FOXRED2: variants seen among roughly 807,000 people sequenced by gnomAD.
The protein encoded by FOXRED2 is FAD dependent oxidoreductase domain containing 2.
In FOXRED2, 32 loss-of-function variants were observed where a neutral mutation model predicts 52.5. The ratio of observed to expected loss-of-function variants is 0.61; its 90% CI spans 0.46 to 0.82. The LOEUF (loss-of-function observed/expected upper bound fraction) is 0.82, where lower values mean the gene tolerates loss of function less well. Among genes scored for constraint, FOXRED2 ranks in the 40% least tolerant of loss-of-function variants. The probability of loss-of-function intolerance (pLI) is 0.00; values close to 1 mark genes in which losing one functional copy is unlikely to be tolerated. For synonymous variants in FOXRED2, 405 were observed against 398.1 expected, an observed-to-expected ratio of 1.02 and a Z score of -0.21; for missense variants, 848 against 937.5, an observed-to-expected ratio of 0.90 and a Z score of 1.25.
At chr22:36,493,170 C>T (rs976273541) in intron 8 of FOXRED2, among the ~76,000 whole-genome samples, 2 of 152,218 alleles carry the variant, frequency 1.3e-5, no homozygotes, top group Non-Finnish European at 2.9e-5. Flanking sequence ...CAGCTGGGTG[C>T]GGTGGCTCAC....
At chr22:36,501,206 T>C in intron 5 of FOXRED2, 35 bp downstream of exon 5, 1 of 1,609,780 alleles carries the variant, frequency 6.2e-7, no homozygotes, top group South Asian at 1.1e-5. Flanking sequence ...AGTGGTTCCG[T>C]CTGGGGACAG....
At chr22:36,495,664 C>T (rs376072135) in intron 7 of FOXRED2, among the ~76,000 whole-genome samples, 42 of 152,346 alleles carry the variant, frequency 2.8e-4, no homozygotes, top group South Asian at 8.3e-4. Flanking sequence ...AGACCCCTCC[C>T]GCCCCACCAC....
Position 36,490,878 on chromosome 22 carries a change from C to T in FOXRED2, c.1796-611G>A, listed in dbSNP as rs901777190. 1.6e-4 allele frequency among the ~76,000 whole-genome samples: 25 copies of T among 152,162 alleles called. 1 individual carries two copies. Among genetic ancestry groups the T allele is most frequent in the African/African-American group, 5.1e-4 (21 of 41,440 alleles). On this transcript the variant is annotated intron_variant, in intron 8 of 8. Transcript: ENST00000397224. ...TCATGTAGAAATATGAAGAAACGGC[C>T]GGGCGTGGTGGCTCACGCCTTAATC...
chr22:36,506,968 G>GGCCTCC (rs1240847181), intron 1 of FOXRED2, 41 bp downstream of exon 1: 1 of 152,612 alleles, frequency 6.6e-6, no homozygotes, highest in East Asian at 1.9e-4. Flanking sequence ...CCGCAGCTCC[G>GGCCTCC]GCCTCCCCGC....
chr22:36,490,068 A>G lies in FOXRED2; in HGVS notation c.1995T>C (p.Gly665=), dbSNP rs773873406. The change falls in exon 9 of 9, where the codon GGT becomes GGC. Residue 665 remains glycine (G), a synonymous_variant. Transcript: ENST00000397224. ...CCAGAGGCCCTGGAGCCAGGGGGGA[A>G]CCTAGTGGCTCTTGGTCGCCAAGCT... The part of the protein sequence containing the change: ...SQQLGDQEPL[G]SPLAPGPLAQ... The G allele has an allele frequency of 1.6e-5, 26 of 1,612,930 alleles. No homozygotes were observed. Among genetic ancestry groups the G allele is most frequent in the African/African-American group, 8.0e-5 (6 of 74,878 alleles).
Position 36,498,062 on chromosome 22 carries a change from C to T in FOXRED2, c.1311G>A (p.Val437=), listed in dbSNP as rs754482870. 5.0e-6 allele frequency: 8 copies of T among 1,614,044 alleles called. No individual in the cohort carries two copies. The highest frequency in any genetic ancestry group is 6.8e-6 in the Non-Finnish European group (8 of 1,180,042). ...GCCCAGAAGCCTCATTCACGCGCCGCACGATGGAGCTGGTCAGCTGTGTGA... is the reference window on the plus strand; with the variant it reads ...GCCCAGAAGCCTCATTCACGCGCCGTACGATGGAGCTGGTCAGCTGTGTGA... The part of the protein sequence containing the change: ...LPITQLTSSI[V]RRVNEASGLY... Residue 437 remains valine (V), a synonymous_variant, in exon 6 of 9, where the codon GTG becomes GTA. Coordinates refer to ENST00000397224, the MANE Select transcript of FOXRED2 (RefSeq NM_001102371.2).
chr22:36,502,882 C>T (rs1398584422), intron 4 of FOXRED2, among the ~76,000 whole-genome samples: 5 of 151,922 alleles, frequency 3.3e-5, no homozygotes, highest in East Asian at 1.9e-4. Context: ...TTGGTAGAGA[C>T]GGGGTTTCGC....
intron 4 of FOXRED2, among the ~76,000 whole-genome samples, chr22:36,503,593 G>A (rs1934110473): frequency 6.6e-6 from 1 of 152,104 alleles, no homozygotes; most frequent in Non-Finnish European, 1.5e-5. Context: ...TTACAGGTGT[G>A]AGCCACCGCA....
chr22:36,498,158 T>C lies in FOXRED2; in HGVS notation c.1217-2A>G. The C allele has an allele frequency of 6.2e-7, 1 of 1,609,422 alleles. No homozygotes were observed. Among genetic ancestry groups the C allele is most frequent in the Non-Finnish European group, 8.5e-7 (1 of 1,179,336 alleles). On this transcript the variant is annotated splice_acceptor_variant, in intron 5 of 8. Transcript: ENST00000397224. LOFTEE classifies it high-confidence loss of function. Reference sequence around the variant, plus strand: ...CCAGGAGCCGGTGAACAGCACGCACTGGAACAGCCAGAGGGAGGAACGGCA... The same window carrying C: ...CCAGGAGCCGGTGAACAGCACGCACCGGAACAGCCAGAGGGAGGAACGGCA...
intron 8 of FOXRED2, among the ~76,000 whole-genome samples, 180 bp downstream of exon 8, chr22:36,493,453 G>A (rs75294939): frequency 2.1e-5 from 3 of 143,738 alleles, no homozygotes; most frequent in Admixed American, 6.8e-5. Context: ...AAAAAAAAAA[G>A]AAGACATATT....
intron 4 of FOXRED2, 150 bp downstream of exon 4, chr22:36,503,948 C>T: frequency 1.1e-6 from 1 of 912,226 alleles, no homozygotes; most frequent in Non-Finnish European, 1.7e-6. Context: ...AGCTCATGTC[C>T]TGGAGGGAAA....
In FOXRED2 at chr22:36,489,982, T is replaced by A. The variant is rs1263024189; in HGVS notation, c.*26A>T. 1 of 1,527,890 alleles carries A rather than the reference T, an allele frequency of 6.5e-7. No homozygotes were observed. The highest frequency in any genetic ancestry group is 2.1e-5 in the Admixed American group (1 of 48,138). 94.6% of individuals were successfully genotyped at this position (1,527,890 alleles called of 1,614,324 possible). A position where few individuals can be genotyped will look rare whatever the true frequency, so the allele number is the denominator to read the frequency against. ...GGCCTAGGTGGGGAGGCCTGGCCAC[T>A]GTGCCCACAGCTTAGGAAGGGACAG... is the stretch of plus-strand genomic sequence containing the variant. On this transcript the variant is annotated 3_prime_UTR_variant, in exon 9 of 9. Transcript: ENST00000397224.
rs981792611 is a variant in FOXRED2 at position 36,504,699 on chromosome 22, C to T, written c.595G>A (p.Glu199Lys). The T allele has an allele frequency of 3.1e-6, 5 of 1,614,082 alleles. No individual in the cohort carries two copies. Among genetic ancestry groups the T allele is most frequent in the Non-Finnish European group, 4.2e-6 (5 of 1,180,042 alleles). Residue 199 changes from glutamate (E) to lysine (K), a missense_variant, in exon 3 of 9, where the codon GAG becomes AAG. Glu to Lys is a moderately conservative substitution (Grantham distance 56). Coordinates refer to ENST00000397224, the MANE Select transcript of FOXRED2 (RefSeq NM_001102371.2). ...TCCACGGACACGGACTCGTAACCCTCTGCATATTCGGAGCCAGGGAAGTCA... is the reference window on the plus strand; with the variant it reads ...TCCACGGACACGGACTCGTAACCCTTTGCATATTCGGAGCCAGGGAAGTCA... ...QVDFPGSEYA[E>K]GYESVSVDPE...
chr22:36,494,558 AAG>A (rs1476479429), intron 7 of FOXRED2, among the ~76,000 whole-genome samples: 1 of 152,208 alleles, frequency 6.6e-6, no homozygotes, highest in Non-Finnish European at 1.5e-5. Context: ...CCATCGAGTC[AAG>A]ACTTGGCCGT....
At chr22:36,490,703 A>G (rs1933734729) in intron 8 of FOXRED2, among the ~76,000 whole-genome samples, 1 of 152,208 alleles carries the variant, frequency 6.6e-6, no homozygotes, top group Non-Finnish European at 1.5e-5. Flanking sequence ...CAGTCCCTCA[A>G]CAACATTTGA....
chr22:36,496,619 G>A (rs1056703304), intron 6 of FOXRED2, among the ~76,000 whole-genome samples: 4 of 152,330 alleles, frequency 2.6e-5, no homozygotes, highest in South Asian at 4.1e-4. Context: ...GTGAGGAGTC[G>A]TCTGGCCCGA....
At position 36,490,065 on chromosome 22, in the gene FOXRED2, G is replaced by A. The variant is rs34949308; in HGVS notation, c.1998C>T (p.Ser666=). The A allele has an allele frequency of 0.014, 22,614 of 1,612,810 alleles. 198 individuals are homozygous for A. The highest frequency in any genetic ancestry group is 0.021 in the South Asian group (1,952 of 90,988). ...QQLGDQEPLG[S]PLAPGPLAQS... ...GAGCCAGAGGCCCTGGAGCCAGGGG[G>A]GAACCTAGTGGCTCTTGGTCGCCAA... Residue 666 remains serine, a synonymous_variant, in exon 9 of 9, where the codon TCC becomes TCT. Coordinates refer to ENST00000397224, the MANE Select transcript of FOXRED2 (RefSeq NM_001102371.2).
rs984347814 is a variant in FOXRED2, at chr22:36,506,256, T to C, written c.167A>G (p.Tyr56Cys). 5.0e-6 allele frequency: 8 copies of C among 1,611,576 alleles called. No homozygotes were observed. Among genetic ancestry groups the C allele is most frequent in the Non-Finnish European group, 5.9e-6 (7 of 1,178,746 alleles). The change falls in exon 2 of 9, where the codon TAC (tyrosine) becomes TGC (cysteine). Residue 56 changes from tyrosine to cysteine, a missense_variant. By Grantham distance (194) the Tyr-to-Cys change is radical. Transcript: ENST00000397224. ...CCGCGGGGCCCGCTCGAACACTGCG[T>C]AGTCGCGTCCAGCGCGCTGCAGGAA... ...AYFLQRAGRD[Y>C]AVFERAPRPG... is the part of the protein sequence containing the mutation.
intron 8 of FOXRED2, among the ~76,000 whole-genome samples, chr22:36,492,021 C>T (rs1166107923): frequency 6.6e-6 from 1 of 152,062 alleles, no homozygotes; most frequent in African/African-American, 2.4e-5. Flanking sequence ...GGGCACAGCA[C>T]AAAGGATGTC....
Sources: allele counts gnomAD v4.1 joint callset (sites outside exome capture counted in the v4.1 genomes callset), GRCh38; gene constraint gnomAD v4.1.1; transcripts MANE v1.5; gene names NCBI Gene and HGNC (gene_info 2026-07-23, HGNC 2026-07-21).